STK17A: variants seen among roughly 807,000 people sequenced by gnomAD.
The protein encoded by STK17A is serine/threonine-protein kinase 17A.
In STK17A, 26 loss-of-function variants were observed where a neutral mutation model predicts 43.7. The ratio of observed to expected loss-of-function variants is 0.60; its 90% confidence interval spans 0.44 to 0.83. The LOEUF (loss-of-function observed/expected upper bound fraction) is 0.83. STK17A is among the 40% of genes least tolerant of loss of function. STK17A has a pLI of 0.00. For missense variants in STK17A, 476 were observed against 511.6 expected (o/e 0.93, Z 0.67); for synonymous variants, 191 against 182.5 (o/e 1.05, Z -0.38).
chr7:43,624,838 A>T lies in STK17A; in HGVS notation c.1241A>T (p.Tyr414Phe). The change falls in exon 7 of 7, where the codon TAC (tyrosine) becomes TTC (phenylalanine). Residue 414 changes from tyrosine to phenylalanine, a missense_variant. By Grantham distance (22) the Tyr-to-Phe change is conservative (BLOSUM62 3). Coordinates refer to ENST00000319357, the MANE Select transcript of STK17A (RefSeq NM_004760.3). ...LLQEIPGEFIY is the reference protein window; with the variant it reads ...LLQEIPGEFIF ...CAAGAAATTCCAGGAGAATTTATCT[A>T]CTGAGCAATATTTCCCTTTAGAACT... 6 of 1,595,506 alleles carry T rather than the reference A, an allele frequency of 3.8e-6. No homozygotes were observed. The highest frequency in any genetic ancestry group is 5.1e-6 in the Non-Finnish European group (6 of 1,171,280).
intron 3 of STK17A, among the ~76,000 whole-genome samples, chr7:43,611,469 C>A (rs926939814): frequency 6.6e-6 from 1 of 152,192 alleles, no homozygotes; most frequent in South Asian, 2.1e-4. Flanking sequence ...CACACCCACA[C>A]GCTGAGGTGG....
intron 3 of STK17A, among the ~76,000 whole-genome samples, chr7:43,618,757 T>A (rs566721000): frequency 6.6e-6 from 1 of 152,330 alleles, no homozygotes; most frequent in African/African-American, 2.4e-5. Flanking sequence ...CCTCACTGAT[T>A]CTGTGGCTCT....
intron 3 of STK17A, 37 bp from the exon 4 acceptor site, chr7:43,619,560 G>A: frequency 1.9e-6 from 3 of 1,605,686 alleles, no homozygotes; most frequent in Non-Finnish European, 2.6e-6. Flanking sequence ...CTTAATCATA[G>A]TTATATTGAT....
At position 43,625,826 on chromosome 7, in the gene STK17A, C is replaced by A. The variant is rs920725597; in HGVS notation, c.*984C>A. 4.6e-5 allele frequency: 7 copies of A among 152,086 alleles called. 1 individual carries two copies. In the South Asian group the frequency reaches 1.2e-3, roughly 27 times the overall value. 9.4% of individuals were successfully genotyped at this position (152,086 alleles called of 1,614,324 possible). ...GTTTCTGCTGAGTTTCTTATCAGCC[C>A]TCAAGCTATGCTAGGAAAAGTTATA... On this transcript the variant is annotated 3_prime_UTR_variant, in exon 7 of 7. Coordinates refer to ENST00000319357, the MANE Select transcript of STK17A (RefSeq NM_004760.3).
intron 2 of STK17A, among the ~76,000 whole-genome samples, chr7:43,598,342 C>T (rs1229062739): frequency 2.0e-5 from 3 of 151,790 alleles, no homozygotes; most frequent in Non-Finnish European, 1.5e-5. Flanking sequence ...TGGTAGCAGG[C>T]GCCTATAGTC....
At chr7:43,608,467 T>C in intron 3 of STK17A, 67 bp downstream of exon 3, 6 of 1,526,394 alleles carry the variant, frequency 3.9e-6, no homozygotes, top group Non-Finnish European at 4.4e-6. Context: ...TATTTAACAG[T>C]GATTTATTCA....
Position 43,626,713 on chromosome 7 carries a change from T to C in STK17A, c.*1871T>C, listed in dbSNP as rs557893728. 1 of 152,320 alleles carries C rather than the reference T, an allele frequency of 6.6e-6. No individual in the cohort carries two copies. Among genetic ancestry groups the C allele is most frequent in the Non-Finnish European group, 1.5e-5 (1 of 68,014 alleles). 9.4% of individuals were successfully genotyped at this position (152,320 alleles called of 1,614,324 possible). ...ACGTTTGTACTTGATGGATCTGTCATCAAGTTTTAAAATCAGAATCATTTG... is the reference window on the plus strand; with the variant it reads ...ACGTTTGTACTTGATGGATCTGTCACCAAGTTTTAAAATCAGAATCATTTG... On this transcript the variant is annotated 3_prime_UTR_variant, in exon 7 of 7. Transcript: ENST00000319357.
chr7:43,596,188 T>C, intron 2 of STK17A, 75 bp downstream of exon 2: 5 of 1,371,822 alleles, frequency 3.6e-6, no homozygotes, highest in Non-Finnish European at 5.0e-6. Flanking sequence ...TCATCTGTGA[T>C]AATGTTGCCA....
intron 2 of STK17A, among the ~76,000 whole-genome samples, chr7:43,607,467 G>C (rs1200419691): frequency 4.6e-5 from 7 of 151,758 alleles, no homozygotes; most frequent in Non-Finnish European, 1.0e-4. Context: ...GGCCAACCTG[G>C]TGAAACCCCG....
intron 4 of STK17A, among the ~76,000 whole-genome samples, chr7:43,620,963 C>T (rs753375385): frequency 7.9e-5 from 12 of 151,972 alleles, no homozygotes; most frequent in Non-Finnish European, 1.3e-4. Context: ...CAAATACAGG[C>T]TAGAAGAGGG....
In STK17A at chr7:43,583,231, G is replaced by T; in HGVS notation, c.-13G>T. 1.3e-6 allele frequency: 2 copies of T among 1,554,970 alleles called. No individual in the cohort carries two copies. The highest frequency in any genetic ancestry group is 8.7e-7 in the Non-Finnish European group (1 of 1,152,532). On this transcript the variant is annotated 5_prime_UTR_variant, in exon 1 of 7. Coordinates refer to ENST00000319357, the MANE Select transcript of STK17A (RefSeq NM_004760.3). ...GTGAACAGGCGGCCAGGAAAGAAGC[G>T]GGCCTGAACACCATGATCCCTTTGG...
chr7:43,608,521 G>A (rs1199818141), intron 3 of STK17A, 121 bp downstream of exon 3: 26 of 1,215,820 alleles, frequency 2.1e-5, no homozygotes, highest in Non-Finnish European at 2.8e-5. Context: ...AAGGATATTA[G>A]AATTGAGTCT....
At chr7:43,608,521 GA>G (rs2082637850) in intron 3 of STK17A, 121 bp downstream of exon 3, 1 of 1,215,820 alleles carries the variant, frequency 8.2e-7, no homozygotes, top group African/African-American at 1.5e-5. Context: ...AAGGATATTA[GA>G]ATTGAGTCTT....
At chr7:43,597,976 CATAAAA>C (rs1249093611) in intron 2 of STK17A, among the ~76,000 whole-genome samples, 3 of 151,946 alleles carry the variant, frequency 2.0e-5, no homozygotes, top group Non-Finnish European at 2.9e-5. Context: ...ATTTAGGAAA[CATAAAA>C]ATAACTATAT....
At chr7:43,606,354 A>AC (rs2082588361) in intron 2 of STK17A, among the ~76,000 whole-genome samples, 1 of 152,332 alleles carries the variant, frequency 6.6e-6, no homozygotes, top group Non-Finnish European at 1.5e-5. Context: ...AAGCTATGAT[A>AC]CAGCCAAGGT....
At chr7:43,595,248 C>T (rs983615041) in intron 1 of STK17A, among the ~76,000 whole-genome samples, 8 of 143,490 alleles carry the variant, frequency 5.6e-5, no homozygotes, top group Non-Finnish European at 9.1e-5. Flanking sequence ...TGACCAATTT[C>T]TATTAAAAAA....
intron 4 of STK17A, among the ~76,000 whole-genome samples, chr7:43,621,040 T>C (rs1354151972): frequency 1.3e-5 from 2 of 152,142 alleles, no homozygotes; most frequent in African/African-American, 2.4e-5. Flanking sequence ...CTTGAAGGAC[T>C]GAGGATGTTA....
chr7:43,604,886 T>C (rs1290554372), intron 2 of STK17A, among the ~76,000 whole-genome samples: 3 of 152,124 alleles, frequency 2.0e-5, no homozygotes, highest in Admixed American at 2.0e-4. Context: ...TCCCTCCCTC[T>C]CTCTCTCTGT....
At chr7:43,590,932 T>TGG (rs1232055951) in intron 1 of STK17A, among the ~76,000 whole-genome samples, 1 of 151,568 alleles carries the variant, frequency 6.6e-6, no homozygotes, top group Non-Finnish European at 1.5e-5. Context: ...GCATATACAC[T>TGG]GGGACTTTGC....
Sources: allele counts gnomAD v4.1 joint callset (sites outside exome capture counted in the v4.1 genomes callset), GRCh38; gene constraint gnomAD v4.1.1; transcripts MANE v1.5; gene names NCBI Gene and HGNC (gene_info 2026-07-23, HGNC 2026-07-21).